ZNF678: variants seen among roughly 807,000 people sequenced by gnomAD.
ZNF678 encodes the protein hypothetical protein MGC42493.
A neutral mutation model predicts 3.0 loss-of-function variants in ZNF678; 5 were observed. That is an observed-to-expected ratio of 1.69 (90% confidence interval 0.88 to 3.56). The LOEUF is 3.56. Ranked by LOEUF, ZNF678 falls within the 30% of genes most tolerant of loss-of-function variation. The probability of loss-of-function intolerance (pLI) is 0.00; values close to 1 mark genes in which losing one functional copy is unlikely to be tolerated. For synonymous variants in ZNF678, 218 were observed against 199.6 expected, an observed-to-expected ratio of 1.09 and a Z score of -0.78; for missense variants, 593 against 605.0, an observed-to-expected ratio of 0.98 and a Z score of 0.21.
chr1:227,666,741 CTT>C (rs1182440018), downstream of ZNF678, among the ~76,000 whole-genome samples: 58 of 115,126 alleles, frequency 5.0e-4, no homozygotes, highest in Admixed American at 9.9e-4. Context: ...TTCTTTCTTG[CTT>C]TTTTTTTTTT....
At chr1:227,647,947 G>A (rs1163449996) in intron 2 of ZNF678, among the ~76,000 whole-genome samples, 1 of 152,154 alleles carries the variant, frequency 6.6e-6, no homozygotes, top group Non-Finnish European at 1.5e-5. Flanking sequence ...CAAACATGTT[G>A]TATTTTCAGC....
chr1:227,606,571 T>C (rs1657877483), intron 1 of ZNF678, among the ~76,000 whole-genome samples: 1 of 152,180 alleles, frequency 6.6e-6, no homozygotes, highest in Non-Finnish European at 1.5e-5. Context: ...GAGGCCTTCC[T>C]CTTTTACTAA....
intron 5 of ZNF678, among the ~76,000 whole-genome samples, chr1:227,676,360 A>G (rs953970212): frequency 2.0e-5 from 3 of 152,212 alleles, no homozygotes; most frequent in African/African-American, 7.2e-5. Flanking sequence ...CATGATTTCA[A>G]ATCCCAGAAA....
At position 227,657,031 on chromosome 1, in the gene ZNF678, G is replaced by C. The variant is rs1397819949; in HGVS notation, c.*1203G>C. 6.6e-6 allele frequency: 1 copy of C among 151,694 alleles called. No individual in the cohort carries two copies. Among genetic ancestry groups the C allele is most frequent in the Non-Finnish European group, 1.5e-5 (1 of 67,834 alleles). 9.4% of individuals were successfully genotyped at this position (151,694 alleles called of 1,614,324 possible). On this transcript the variant is annotated 3_prime_UTR_variant, in exon 4 of 4. Transcript: ENST00000343776. ...GGTTTTTTTTATGTGATATGCTTTGGTTTTTTTGTGCCTTACCTCATGTTG... is the reference window on the plus strand; with the variant it reads ...GGTTTTTTTTATGTGATATGCTTTGCTTTTTTTGTGCCTTACCTCATGTTG...
intron 1 of ZNF678, among the ~76,000 whole-genome samples, chr1:227,580,658 G>A (rs1215408938): frequency 6.6e-6 from 1 of 152,052 alleles, no homozygotes; most frequent in Admixed American, 6.6e-5. Flanking sequence ...GGCCAGGCAC[G>A]GTGGCTAATG....
rs1427735186 is a variant in ZNF678 at position 227,646,597 on chromosome 1, A to G, written c.-110A>G. 5 of 1,372,376 alleles carry G rather than the reference A, an allele frequency of 3.6e-6. No individual in the cohort carries two copies. The highest frequency in any genetic ancestry group is 4.9e-6 in the Non-Finnish European group (5 of 1,024,682). 85.0% of individuals were successfully genotyped at this position (1,372,376 alleles called of 1,614,324 possible). On this transcript the variant is annotated 5_prime_UTR_variant, in exon 2 of 4. An upstream start codon of the reference 5' UTR is lost. Transcript: ENST00000343776. ...TAGAATTCTCTCCAGAGGAGTGGGC[A>G]TGCCTGGACCCTGCCCAGCGAAATT...
At chr1:227,578,090 T>C (rs1657032010) in intron 1 of ZNF678, among the ~76,000 whole-genome samples, 1 of 152,238 alleles carries the variant, frequency 6.6e-6, no homozygotes, top group South Asian at 2.1e-4. Context: ...TTTTAAGGTT[T>C]CCGTTGAGAG....
chr1:227,623,221 T>C (rs1483014827), intron 1 of ZNF678, among the ~76,000 whole-genome samples: 4 of 152,254 alleles, frequency 2.6e-5, no homozygotes, highest in Admixed American at 6.5e-5. Flanking sequence ...GTGATGCCCT[T>C]GGCAGGTGCT....
chr1:227,663,542 CAT>C (rs1211231418), downstream of ZNF678, among the ~76,000 whole-genome samples: 1 of 152,172 alleles, frequency 6.6e-6, no homozygotes, highest in African/African-American at 2.4e-5. Context: ...ACACTTCCCT[CAT>C]AAAAATACTC....
At chr1:227,582,148 C>T (rs1403987838) in intron 1 of ZNF678, among the ~76,000 whole-genome samples, 1 of 150,678 alleles carries the variant, frequency 6.6e-6, no homozygotes, top group African/African-American at 2.5e-5. Context: ...ATTCTGGATA[C>T]AAGTATATTG....
chr1:227,590,498 C>G (rs1318183178), intron 1 of ZNF678, among the ~76,000 whole-genome samples: 2 of 151,734 alleles, frequency 1.3e-5, no homozygotes, highest in African/African-American at 4.9e-5. Flanking sequence ...TTGGGTATCC[C>G]CACGAGCCGT....
chr1:227,596,126 A>G (rs1657580209), intron 1 of ZNF678, among the ~76,000 whole-genome samples: 1 of 152,012 alleles, frequency 6.6e-6, no homozygotes, highest in Admixed American at 6.5e-5. Flanking sequence ...GCAAATGCCT[A>G]CCCGGGAGCA....
chr1:227,563,652 G>A lies in ZNF678; in HGVS notation c.-236G>A. 1 of 1,316,610 alleles carries A rather than the reference G, an allele frequency of 7.6e-7. No individual in the cohort carries two copies. Among genetic ancestry groups the A allele is most frequent in the Non-Finnish European group, 1.0e-6 (1 of 994,072 alleles). The allele number at this position is 1,316,610 out of a possible 1,614,324, so 81.6% of individuals were successfully genotyped here. A position where few individuals can be genotyped will look rare whatever the true frequency, so the allele number is the denominator to read the frequency against. ...TGGTGACTCTGCTGCTGCAGTGTCT[G>A]GTTTCCCTGTGACCTGCAGGTACTG... is the stretch of plus-strand genomic sequence containing the variant. On this transcript the variant is annotated 5_prime_UTR_variant, in exon 1 of 4. Transcript: ENST00000343776.
chr1:227,626,127 G>GA (rs1461271500), intron 1 of ZNF678, among the ~76,000 whole-genome samples: 2 of 152,152 alleles, frequency 1.3e-5, no homozygotes, highest in Non-Finnish European at 2.9e-5. Context: ...CAGTGAGAGT[G>GA]AAAGGGGGTA....
intron 5 of ZNF678, among the ~76,000 whole-genome samples, chr1:227,670,496 C>G (rs1041511331): frequency 6.6e-6 from 1 of 152,172 alleles, no homozygotes; most frequent in African/African-American, 2.4e-5. Flanking sequence ...TTCAGAGGGC[C>G]TCCCTGCTTT....
chr1:227,629,466 A>G (rs1434704820), intron 1 of ZNF678, among the ~76,000 whole-genome samples: 1 of 152,240 alleles, frequency 6.6e-6, no homozygotes, highest in African/African-American at 2.4e-5. Context: ...CCCAGTCACA[A>G]CTTAGTGACT....
chr1:227,628,275 AC>A (rs1658466310), intron 1 of ZNF678, among the ~76,000 whole-genome samples: 1 of 152,128 alleles, frequency 6.6e-6, no homozygotes, highest in Non-Finnish European at 1.5e-5. Context: ...CTGTGTAAGG[AC>A]TTCTAGAGCT....
In ZNF678 at chr1:227,661,108, A is replaced by G. The variant is rs1357449805; in HGVS notation, c.*5280A>G. On this transcript the variant is annotated 3_prime_UTR_variant, in exon 4 of 4. Transcript: ENST00000343776. ...TCTACTGTGAGTTTCTGACTCCCCA[A>G]ATGAAATTGAGGCCCAGAAACTTTC... The G allele has an allele frequency of 6.6e-6, 1 of 152,166 alleles. No homozygotes were observed. The highest frequency in any genetic ancestry group is 1.9e-4 in the East Asian group (1 of 5,196). The allele number at this position is 152,166 out of a possible 1,614,324, so 9.4% of individuals were successfully genotyped here.
chr1:227,645,454 T>A (rs2102795738), intron 1 of ZNF678, among the ~76,000 whole-genome samples: 1 of 152,364 alleles, frequency 6.6e-6, no homozygotes, highest in South Asian at 2.1e-4. Flanking sequence ...TTAAAATTTT[T>A]CTTCTTATGA....
Sources: allele counts gnomAD v4.1 joint callset (sites outside exome capture counted in the v4.1 genomes callset), GRCh38; gene constraint gnomAD v4.1.1; transcripts MANE v1.5; gene names NCBI Gene and HGNC (gene_info 2026-07-23, HGNC 2026-07-21).